PTPRM: variants seen among roughly 807,000 people sequenced by gnomAD.
PTPRM encodes the protein protein tyrosine phosphatase receptor type M.
PTPRM carries 47 observed loss-of-function variants against 186.7 expected under a neutral mutation model. That is an observed-to-expected ratio of 0.25 (90% CI 0.20 to 0.32). The LOEUF (loss-of-function observed/expected upper bound fraction) is 0.32, where lower values mean the gene tolerates loss of function less well. PTPRM is among the 10% of genes least tolerant of loss of function. The pLI is 1.00. For missense variants in PTPRM, 1,494 were observed against 1,865.0 expected (o/e 0.80, Z 3.66); for synonymous variants, 668 against 674.9 (o/e 0.99, Z 0.16).
chr18:7,860,488 C>A (rs1294101922), intron 2 of PTPRM, among the ~76,000 whole-genome samples: 1 of 152,096 alleles, frequency 6.6e-6, no homozygotes, highest in Non-Finnish European at 1.5e-5. Flanking sequence ...CTGTCTTGTT[C>A]AATCTCAGAT....
At chr18:8,123,618 C>T (rs1030286191) in intron 13 of PTPRM, among the ~76,000 whole-genome samples, 2 of 152,164 alleles carry the variant, frequency 1.3e-5, no homozygotes, top group Non-Finnish European at 1.5e-5. Context: ...TGAAGTTCTA[C>T]TTGTTACAGA....
intron 14 of PTPRM, among the ~76,000 whole-genome samples, chr18:8,219,476 A>T (rs1198141388): frequency 6.6e-6 from 1 of 152,162 alleles, no homozygotes; most frequent in Non-Finnish European, 1.5e-5. Flanking sequence ...CAAAAAAAAA[A>T]AAACTTATTC....
chr18:7,637,298 T>C (rs577897766), intron 1 of PTPRM, among the ~76,000 whole-genome samples: 96 of 152,274 alleles, frequency 6.3e-4, no homozygotes, highest in African/African-American at 2.2e-3. Flanking sequence ...CAATAAAATT[T>C]TGTTTGGTCA....
intron 3 of PTPRM, among the ~76,000 whole-genome samples, chr18:7,902,662 G>A (rs545299981): frequency 6.6e-6 from 1 of 152,152 alleles, no homozygotes; most frequent in South Asian, 2.1e-4. Context: ...AAAACTGTCT[G>A]CATTGCTTAG....
rs141209080 is a variant in PTPRM at position 8,099,763 on chromosome 18, T to C, written c.1856+10912T>C. ...GATGTAAACAATTCATACAAGTTAA[T>C]AGTTTAGAAAGGTAGTATCACAAAT... is the stretch of plus-strand genomic sequence containing the variant. On this transcript the variant is annotated intron_variant, in intron 11 of 32. Transcript: ENST00000580170. 4.0e-3 allele frequency among the ~76,000 whole-genome samples: 610 copies of C among 152,280 alleles called. 4 individuals are homozygous for C. Among genetic ancestry groups the C allele is most frequent in the African/African-American group, 0.014 (583 of 41,552 alleles).
intron 2 of PTPRM, among the ~76,000 whole-genome samples, chr18:7,800,981 G>T (rs914590999): frequency 2.0e-5 from 3 of 152,120 alleles, no homozygotes; most frequent in Non-Finnish European, 4.4e-5. Context: ...AATGAATGGA[G>T]CTTGCAGGAT....
intron 7 of PTPRM, among the ~76,000 whole-genome samples, chr18:8,046,005 G>T (rs1568243192): frequency 6.6e-6 from 1 of 152,140 alleles, no homozygotes; most frequent in Non-Finnish European, 1.5e-5. Flanking sequence ...CGTGTCAAGG[G>T]TAGTGTCATG....
intron 7 of PTPRM, among the ~76,000 whole-genome samples, chr18:7,996,141 TCCATTTAC>T (rs1477973029): frequency 6.6e-6 from 1 of 152,154 alleles, no homozygotes; most frequent in East Asian, 1.9e-4. Context: ...GTTGAAGTTA[TCCATTTAC>T]TCTTTTTTTC....
intron 1 of PTPRM, among the ~76,000 whole-genome samples, chr18:7,589,933 G>A (rs1224934921): frequency 6.6e-6 from 1 of 152,152 alleles, no homozygotes; most frequent in Non-Finnish European, 1.5e-5. Context: ...TGCTTAACAC[G>A]TGCTGCATGT....
chr18:8,094,825 T>A (rs2090932823), intron 11 of PTPRM, among the ~76,000 whole-genome samples: 1 of 152,126 alleles, frequency 6.6e-6, no homozygotes, highest in Admixed American at 6.6e-5. Context: ...ACTTTATATA[T>A]CACATAAATT....
chr18:8,088,153 A>G (rs2090527277), intron 10 of PTPRM, among the ~76,000 whole-genome samples: 1 of 152,184 alleles, frequency 6.6e-6, no homozygotes, highest in African/African-American at 2.4e-5. Context: ...AAAACACAGC[A>G]AAAAGTCAAA....
chr18:7,696,903 A>G (rs1256196571), intron 1 of PTPRM, among the ~76,000 whole-genome samples: 1 of 152,184 alleles, frequency 6.6e-6, no homozygotes, highest in African/African-American at 2.4e-5. Context: ...GTTTTTATGC[A>G]GGGCCTGTCG....
chr18:8,327,117 C>A (rs1292746747), intron 22 of PTPRM, among the ~76,000 whole-genome samples: 3 of 152,172 alleles, frequency 2.0e-5, no homozygotes, highest in Admixed American at 6.5e-5. Flanking sequence ...AGTTAAGAAG[C>A]CTTGGAACAA....
chr18:7,949,519 C>G (rs573671853), intron 6 of PTPRM, among the ~76,000 whole-genome samples, 164 bp downstream of exon 6: 2 of 152,090 alleles, frequency 1.3e-5, no homozygotes, highest in African/African-American at 4.8e-5. Flanking sequence ...AAATTTTGCA[C>G]GTGAACAATA....
At chr18:8,339,445 C>G (rs673251) in intron 22 of PTPRM, among the ~76,000 whole-genome samples, 97,477 of 152,080 alleles carry the variant, frequency 0.64, 32,106 homozygotes, top group Middle Eastern at 0.75. Flanking sequence ...GTGGCTCCCC[C>G]CCAGCCAGAA....
intron 19 of PTPRM, among the ~76,000 whole-genome samples, chr18:8,271,846 T>G (rs2094775253): frequency 6.6e-6 from 1 of 152,210 alleles, no homozygotes; most frequent in African/African-American, 2.4e-5. Flanking sequence ...ATTATATAGT[T>G]TATTTATGCC....
At chr18:7,717,103 G>A (rs1346351228) in intron 1 of PTPRM, among the ~76,000 whole-genome samples, 1 of 152,176 alleles carries the variant, frequency 6.6e-6, no homozygotes, top group African/African-American at 2.4e-5. Flanking sequence ...ATAGGGATGG[G>A]AGCAAAGAAA....
chr18:7,569,932 A>G (rs2036526937), intron 1 of PTPRM, among the ~76,000 whole-genome samples: 1 of 152,210 alleles, frequency 6.6e-6, no homozygotes, highest in Non-Finnish European at 1.5e-5. Context: ...GCAGCATCCA[A>G]GCCATGCCTC....
intron 29 of PTPRM, 41 bp downstream of exon 29, chr18:8,380,468 G>A: frequency 6.2e-7 from 1 of 1,610,884 alleles, no homozygotes; most frequent in Non-Finnish European, 8.5e-7. Context: ...AGTGCCAGGG[G>A]GTCAAGTTTG....
Sources: allele counts gnomAD v4.1 joint callset (sites outside exome capture counted in the v4.1 genomes callset), GRCh38; gene constraint gnomAD v4.1.1; transcripts MANE v1.5; gene names NCBI Gene and HGNC (gene_info 2026-07-23, HGNC 2026-07-21).